Variants in PCDH9 observed in about 807,000 individuals in gnomAD.
PCDH9 encodes the protein protocadherin 9.
Under a neutral mutation model 70.6 loss-of-function variants are expected in PCDH9, and 24 were observed. The observed-to-expected ratio is 0.34, with a 90% CI of 0.25 to 0.48. The LOEUF (loss-of-function observed/expected upper bound fraction) is 0.48, where lower values mean the gene tolerates loss of function less well. Among genes scored for constraint, PCDH9 ranks in the 20% least tolerant of loss-of-function variants. The probability of loss-of-function intolerance (pLI) is 0.99; values close to 1 mark genes in which losing one functional copy is unlikely to be tolerated. For synonymous variants in PCDH9, 562 were observed against 558.5 expected, an observed-to-expected ratio of 1.01 and a Z score of -0.09; for missense variants, 1,281 against 1,503.6, an observed-to-expected ratio of 0.85 and a Z score of 2.45.
At chr13:66,359,142 A>C (rs1708743253) in intron 4 of PCDH9, among the ~76,000 whole-genome samples, 1 of 152,046 alleles carries the variant, frequency 6.6e-6, no homozygotes, top group African/African-American at 2.4e-5. Context: ...TTTCACTCAC[A>C]TAATTGACTA....
intron 3 of PCDH9, among the ~76,000 whole-genome samples, chr13:66,762,121 C>A (rs1289164452): frequency 6.6e-6 from 1 of 152,016 alleles, no homozygotes; most frequent in Non-Finnish European, 1.5e-5. Flanking sequence ...GTAGGTAATG[C>A]CCTTCCCTCA....
intron 4 of PCDH9, among the ~76,000 whole-genome samples, chr13:66,409,333 A>G (rs9317587): frequency 0.36 from 55,107 of 152,022 alleles, 10,426 homozygotes; most frequent in East Asian, 0.5. Flanking sequence ...TTCAAATGCT[A>G]GATTTTGAAA....
At chr13:66,507,792 C>T (rs1016686183) in intron 4 of PCDH9, among the ~76,000 whole-genome samples, 7 of 151,934 alleles carry the variant, frequency 4.6e-5, no homozygotes, top group African/African-American at 1.7e-4. Context: ...TGCGATATTG[C>T]CTCACTGCAA....
chr13:67,051,454 G>A (rs1340793543), intron 2 of PCDH9, among the ~76,000 whole-genome samples: 3 of 133,852 alleles, frequency 2.2e-5, no homozygotes, highest in Non-Finnish European at 3.1e-5. Context: ...GTGCAGTGGT[G>A]TGATCTCGGC....
At chr13:66,787,231 C>T (rs941748972) in intron 3 of PCDH9, among the ~76,000 whole-genome samples, 2 of 152,098 alleles carry the variant, frequency 1.3e-5, no homozygotes, top group African/African-American at 2.4e-5. Context: ...AGACAGCACA[C>T]GGTAAAGAAC....
chr13:66,942,045 G>C (rs2083014244), intron 2 of PCDH9, among the ~76,000 whole-genome samples: 2 of 151,660 alleles, frequency 1.3e-5, no homozygotes, highest in Admixed American at 1.3e-4. Flanking sequence ...TGTAAACGAA[G>C]TACTACACTT....
chr13:66,404,363 GA>G, intron 4 of PCDH9, among the ~76,000 whole-genome samples: 1 of 152,250 alleles, frequency 6.6e-6, no homozygotes, highest in East Asian at 1.9e-4. Flanking sequence ...TTCCAAGAAT[GA>G]AAATATGGTT....
chr13:66,866,698 G>A (rs1211017605), intron 3 of PCDH9, among the ~76,000 whole-genome samples: 1 of 151,968 alleles, frequency 6.6e-6, no homozygotes, highest in African/African-American at 2.4e-5. Flanking sequence ...TCAGGAAGCT[G>A]AGGCAGAAGA....
intron 2 of PCDH9, among the ~76,000 whole-genome samples, chr13:67,022,270 G>A (rs2084692743): frequency 6.6e-6 from 1 of 151,550 alleles, no homozygotes; most frequent in Non-Finnish European, 1.5e-5. Context: ...TTACAGGTAT[G>A]CACCACCACG....
chr13:66,862,625 G>A (rs1450079763), intron 3 of PCDH9, among the ~76,000 whole-genome samples: 1 of 152,148 alleles, frequency 6.6e-6, no homozygotes, highest in Non-Finnish European at 1.5e-5. Context: ...ATGAAAATTA[G>A]TTGTTTATTC....
chr13:67,137,234 A>T (rs1357456351), intron 2 of PCDH9, among the ~76,000 whole-genome samples: 1 of 152,140 alleles, frequency 6.6e-6, no homozygotes, highest in Non-Finnish European at 1.5e-5. Context: ...ATATTTTGTC[A>T]TTCCTGTGAA....
intron 2 of PCDH9, chr13:67,204,293 A>T (rs913818918): frequency 2.0e-5 from 3 of 152,178 alleles, no homozygotes; most frequent in Non-Finnish European, 4.4e-5. Context: ...AAAAATTATT[A>T]TGCCAGCTTT....
intron 4 of PCDH9, among the ~76,000 whole-genome samples, chr13:66,314,332 C>A (rs576300172): frequency 6.7e-4 from 102 of 152,306 alleles, no homozygotes; most frequent in African/African-American, 2.4e-3. Context: ...TCAACAAATT[C>A]TGAATCGGTA....
At chr13:66,434,664 A>G (rs1593973982) in intron 4 of PCDH9, among the ~76,000 whole-genome samples, 2 of 152,044 alleles carry the variant, frequency 1.3e-5, no homozygotes, top group African/African-American at 2.4e-5. Context: ...CTTAAAATAT[A>G]TGTATGTTTG....
At position 66,833,935 on chromosome 13, in the gene PCDH9, A is replaced by G. The variant is rs936795330; in HGVS notation, c.3138+69569T>C. On this transcript the variant is annotated intron_variant, in intron 3 of 4. Transcript: ENST00000377865. Reference sequence around the variant, plus strand: ...ACCTGTGCTGGTTGAATAGCTGATAATGAGCTGGCAAACACTGAAGTTCAT... The same window carrying G: ...ACCTGTGCTGGTTGAATAGCTGATAGTGAGCTGGCAAACACTGAAGTTCAT... Among the ~76,000 whole-genome samples the G allele has an allele frequency of 2.6e-5, 4 of 152,300 alleles. No individual in the cohort carries two copies. In the East Asian group the frequency reaches 7.7e-4, roughly 29 times the overall value.
intron 3 of PCDH9, among the ~76,000 whole-genome samples, chr13:66,851,513 TAGG>T (rs2081313768): frequency 2.0e-5 from 3 of 152,100 alleles, no homozygotes. Flanking sequence ...GTTTCATCTC[TAGG>T]AGTTTAGATT....
chr13:66,542,968 G>A (rs1374197859), intron 4 of PCDH9, among the ~76,000 whole-genome samples: 2 of 151,382 alleles, frequency 1.3e-5, no homozygotes, highest in East Asian at 1.9e-4. Context: ...AAATTAATAT[G>A]TGTGTGTAGA....
intron 3 of PCDH9, among the ~76,000 whole-genome samples, chr13:66,712,094 C>A (rs1180020385): frequency 6.6e-6 from 1 of 152,102 alleles, no homozygotes; most frequent in Admixed American, 6.6e-5. Context: ...ATATAGATAG[C>A]TATTAGAAAA....
intron 2 of PCDH9, among the ~76,000 whole-genome samples, chr13:66,934,905 A>G (rs1485538897): frequency 6.7e-6 from 1 of 148,844 alleles, no homozygotes; most frequent in Non-Finnish European, 1.5e-5. Flanking sequence ...TATTTTTAGT[A>G]GAGACGGGGT....
Sources: gnomAD v4.1 joint callset for allele counts (sites outside exome capture counted in the v4.1 genomes callset) on GRCh38, gnomAD v4.1.1 for gene constraint, MANE v1.5 for transcripts, NCBI Gene and HGNC (gene_info 2026-07-23, HGNC 2026-07-21) for gene names.